SMAP1: variants seen among roughly 807,000 people sequenced by gnomAD.
SMAP1 encodes the protein stromal membrane-associated protein 1.
SMAP1 carries 24 observed loss-of-function variants against 58.5 expected under a neutral mutation model. The observed-to-expected ratio is 0.41, with a 90% CI of 0.30 to 0.58. The LOEUF is 0.58. SMAP1 is among the 20% of genes least tolerant of loss of function. SMAP1 has a pLI of 0.29. For missense variants in SMAP1, 563 were observed against 566.3 expected, an observed-to-expected ratio of 0.99 and a Z score of 0.06; for synonymous variants, 216 against 196.6, an observed-to-expected ratio of 1.10 and a Z score of -0.82.
At chr6:70,680,865 C>T (rs953071010) in intron 1 of SMAP1, among the ~76,000 whole-genome samples, 40 of 151,778 alleles carry the variant, frequency 2.6e-4, no homozygotes, top group Non-Finnish European at 2.9e-4. Context: ...ATTACAGGCA[C>T]GTGCCACCAC....
chr6:70,855,236 CAGA>C (rs1771365230), intron 8 of SMAP1, among the ~76,000 whole-genome samples: 2 of 152,106 alleles, frequency 1.3e-5, no homozygotes, highest in African/African-American at 4.8e-5. Flanking sequence ...AAATGAGAGG[CAGA>C]AGTTGTTTCC....
At chr6:70,845,409 A>G (rs1770951094) in intron 7 of SMAP1, among the ~76,000 whole-genome samples, 1 of 152,214 alleles carries the variant, frequency 6.6e-6, no homozygotes, top group Non-Finnish European at 1.5e-5. Flanking sequence ...TATCTAAGAG[A>G]ACTGGTTGTG....
chr6:70,760,970 T>C (rs1766723273), intron 3 of SMAP1, among the ~76,000 whole-genome samples: 1 of 152,058 alleles, frequency 6.6e-6, no homozygotes, highest in Non-Finnish European at 1.5e-5. Flanking sequence ...TAAAAAACTT[T>C]AATTACTTCA....
chr6:70,685,849 T>G (rs1433434622), intron 1 of SMAP1, among the ~76,000 whole-genome samples: 3 of 152,164 alleles, frequency 2.0e-5, no homozygotes, highest in African/African-American at 7.2e-5. Context: ...AGGAAGACTG[T>G]AAGGAAAACC....
intron 6 of SMAP1, among the ~76,000 whole-genome samples, chr6:70,816,887 T>G (rs1299970991): frequency 6.6e-6 from 1 of 152,142 alleles, no homozygotes; most frequent in Non-Finnish European, 1.5e-5. Context: ...AAAGATTTAG[T>G]AATTTGTTTT....
chr6:70,812,999 A>G (rs1769457246), intron 6 of SMAP1, among the ~76,000 whole-genome samples: 1 of 152,066 alleles, frequency 6.6e-6, no homozygotes. Context: ...AAAACTGTGG[A>G]AAATAGAGGA....
intron 5 of SMAP1, among the ~76,000 whole-genome samples, chr6:70,796,193 T>G (rs1768600168): frequency 6.6e-6 from 1 of 152,216 alleles, no homozygotes; most frequent in Non-Finnish European, 1.5e-5. Flanking sequence ...ATAAAGTTGT[T>G]GTGAGGATTA....
At chr6:70,693,323 A>G (rs1490751365) in intron 1 of SMAP1, among the ~76,000 whole-genome samples, 2 of 105,560 alleles carry the variant, frequency 1.9e-5, no homozygotes, top group Non-Finnish European at 2.1e-5. Flanking sequence ...TTTTTTTTTT[A>G]AGACAGAGTC....
chr6:70,682,629 T>TC (rs1392018902), intron 1 of SMAP1, among the ~76,000 whole-genome samples: 5 of 151,810 alleles, frequency 3.3e-5, no homozygotes, highest in African/African-American at 1.2e-4. Flanking sequence ...GTGTGCGCAC[T>TC]TTTTTTTTCA....
At chr6:70,670,473 A>T (rs1242229322) in intron 1 of SMAP1, among the ~76,000 whole-genome samples, 1 of 152,202 alleles carries the variant, frequency 6.6e-6, no homozygotes, top group African/African-American at 2.4e-5. Context: ...GTATTTGGTA[A>T]GGTTGAAGTA....
intron 6 of SMAP1, among the ~76,000 whole-genome samples, chr6:70,804,210 T>TA (rs1380233046): frequency 6.6e-6 from 1 of 152,202 alleles, no homozygotes; most frequent in Non-Finnish European, 1.5e-5. Flanking sequence ...AGTTAGCTCT[T>TA]ATTGAATTGA....
chr6:70,819,517 G>T (rs147922688), intron 6 of SMAP1, among the ~76,000 whole-genome samples: 1 of 152,276 alleles, frequency 6.6e-6, no homozygotes, highest in East Asian at 1.9e-4. Flanking sequence ...TGAGTTTGCT[G>T]TGTTTCCATT....
intron 6 of SMAP1, among the ~76,000 whole-genome samples, chr6:70,802,843 C>T (rs557290554): frequency 3.3e-5 from 5 of 150,132 alleles, no homozygotes; most frequent in Non-Finnish European, 7.4e-5. Context: ...GCCTTGCATC[C>T]CAGGGATGAA....
At chr6:70,853,706 C>T (rs1412711060) in intron 8 of SMAP1, among the ~76,000 whole-genome samples, 7 of 152,014 alleles carry the variant, frequency 4.6e-5, no homozygotes, top group Non-Finnish European at 8.8e-5. Context: ...ATGGCTTTGC[C>T]CCTTCTTCCC....
At chr6:70,704,511 T>C (rs1003899078) in intron 1 of SMAP1, among the ~76,000 whole-genome samples, 13 of 152,240 alleles carry the variant, frequency 8.5e-5, no homozygotes, top group Non-Finnish European at 1.8e-4. Flanking sequence ...TTGTTCATGT[T>C]TCAAATAACG....
At chr6:70,830,354 T>C (rs541379661) in intron 6 of SMAP1, among the ~76,000 whole-genome samples, 18 of 152,328 alleles carry the variant, frequency 1.2e-4, no homozygotes, top group African/African-American at 4.1e-4. Flanking sequence ...TAATTTACTG[T>C]TATCACACAC....
chr6:70,851,417 T>A (rs146789989), intron 7 of SMAP1, among the ~76,000 whole-genome samples: 2 of 152,328 alleles, frequency 1.3e-5, no homozygotes, highest in East Asian at 3.9e-4. Context: ...TTGTGCAAGA[T>A]ACCCCATTCA....
intron 6 of SMAP1, among the ~76,000 whole-genome samples, chr6:70,835,251 C>CAAAAAAA (rs778677881): frequency 3.5e-5 from 2 of 57,934 alleles, no homozygotes; most frequent in East Asian, 5.5e-4. Flanking sequence ...GACTCCGTCT[C>CAAAAAAA]AAAAAAAAAA....
At position 70,749,087 on chromosome 6, in the gene SMAP1, A is replaced by G. The variant is rs140844944; in HGVS notation, c.253-5893A>G. Among the ~76,000 whole-genome samples the G allele has an allele frequency of 3.6e-3, 552 of 152,154 alleles. 3 individuals carry two copies. Among genetic ancestry groups the G allele is most frequent in the African/African-American group, 0.012 (503 of 41,510 alleles). ...TTTATAAGGAAAGGAGGTTTAATTG[A>G]CTCGGTTCCTCATGGCTGGGAGGCC... On this transcript the variant is annotated intron_variant, in intron 2 of 10. Coordinates refer to ENST00000370455, the MANE Select transcript of SMAP1 (RefSeq NM_001044305.3).
Sources: gnomAD v4.1 joint callset for allele counts (sites outside exome capture counted in the v4.1 genomes callset) on GRCh38, gnomAD v4.1.1 for gene constraint, MANE v1.5 for transcripts, NCBI Gene and HGNC (gene_info 2026-07-23, HGNC 2026-07-21) for gene names.